Variants in SCAF4 observed in about 807,000 individuals in gnomAD.
SCAF4 encodes the protein SR-related CTD associated factor 4.
A neutral mutation model predicts 129.8 loss-of-function variants in SCAF4; 25 were observed. The observed-to-expected ratio is 0.19, with a 90% CI of 0.14 to 0.27. The LOEUF (loss-of-function observed/expected upper bound fraction) is 0.27. Ranked by LOEUF, SCAF4 falls within the 10% of genes least tolerant of loss-of-function variation. SCAF4 has a pLI of 1.00. For synonymous variants in SCAF4, 551 were observed against 497.7 expected (o/e 1.11, Z -1.43); for missense variants, 1,246 against 1,457.1 (o/e 0.86, Z 2.36).
intron 7 of SCAF4, among the ~76,000 whole-genome samples, chr21:31,697,222 A>G (rs1269410525): frequency 6.6e-6 from 1 of 151,968 alleles, no homozygotes; most frequent in Non-Finnish European, 1.5e-5. Flanking sequence ...ATAAAAAAAG[A>G]AAAAAAATGG....
intron 1 of SCAF4, among the ~76,000 whole-genome samples, chr21:31,713,734 G>T: frequency 1.1e-5 from 1 of 90,784 alleles, no homozygotes. Context: ...TTTCTCATGG[G>T]CAAACCGGAG....
chr21:31,722,623 A>T (rs2051097203), intron 1 of SCAF4, among the ~76,000 whole-genome samples: 1 of 152,220 alleles, frequency 6.6e-6, no homozygotes, highest in Non-Finnish European at 1.5e-5. Flanking sequence ...TTTAGGTGAT[A>T]ACCATTTCAG....
chr21:31,720,776 T>TA (rs1192513254), intron 1 of SCAF4, among the ~76,000 whole-genome samples: 1 of 152,218 alleles, frequency 6.6e-6, no homozygotes, highest in East Asian at 1.9e-4. Context: ...GTCCTTCCCT[T>TA]AAACTGTTCC....
intron 1 of SCAF4, among the ~76,000 whole-genome samples, chr21:31,723,610 A>ATGTGTG (rs368505231): frequency 1.3e-3 from 198 of 149,312 alleles, no homozygotes; most frequent in African/African-American, 2.8e-3. Flanking sequence ...GATTTATATG[A>ATGTGTG]TGTGTGTGTG....
intron 19 of SCAF4, among the ~76,000 whole-genome samples, chr21:31,683,184 G>A (rs1250287000): frequency 6.6e-6 from 1 of 152,096 alleles, no homozygotes; most frequent in East Asian, 1.9e-4. Flanking sequence ...AAAACCACCC[G>A]CTCATGTAAC....
rs2050278913 is a variant in SCAF4 at position 31,692,346 on chromosome 21, C to T, written c.1614+3G>A. Reference sequence around the variant, plus strand: ...GTACTTAAAAAACTGAATAAACACTCACATTAATTGATTCAATTGGACCAA... The same window carrying T: ...GTACTTAAAAAACTGAATAAACACTTACATTAATTGATTCAATTGGACCAA... On this transcript the variant is annotated splice_donor_region_variant and intron_variant, in intron 13 of 19. Transcript: ENST00000286835. 6 of 1,603,038 alleles carry T rather than the reference C, an allele frequency of 3.7e-6. No homozygotes were observed. In the African/African-American group the frequency reaches 6.7e-5, roughly 18 times the overall value.
chr21:31,699,467 ATTCT>A (rs2050467212), intron 7 of SCAF4, among the ~76,000 whole-genome samples: 1 of 151,620 alleles, frequency 6.6e-6, no homozygotes, highest in African/African-American at 2.4e-5. Context: ...GCAGTGTGGA[ATTCT>A]TTCCTTATTT....
chr21:31,677,600 C>T (rs1437512083), intron 19 of SCAF4, among the ~76,000 whole-genome samples: 1 of 152,162 alleles, frequency 6.6e-6, no homozygotes, highest in African/African-American at 2.4e-5. Context: ...CAAGTCGCAG[C>T]GCTCTTTCTT....
At chr21:31,684,299 C>G (rs2050063290) in intron 19 of SCAF4, 1 of 153,064 alleles carries the variant, frequency 6.5e-6, no homozygotes, top group Non-Finnish European at 1.5e-5. Flanking sequence ...GGCAATACCA[C>G]TTCAAATACA....
intron 1 of SCAF4, among the ~76,000 whole-genome samples, chr21:31,716,507 C>T (rs2050922810): frequency 6.6e-6 from 1 of 152,144 alleles, no homozygotes; most frequent in South Asian, 2.1e-4. Flanking sequence ...AAGACACTGT[C>T]TTAAACCAAA....
intron 2 of SCAF4, among the ~76,000 whole-genome samples, chr21:31,705,859 A>C (rs1486054707): frequency 6.6e-6 from 1 of 152,258 alleles, no homozygotes; most frequent in Non-Finnish European, 1.5e-5. Context: ...CTCTTTAAAT[A>C]AAAATGAAAC....
At chr21:31,718,212 C>CTGGG (rs2050986070) in intron 1 of SCAF4, among the ~76,000 whole-genome samples, 1 of 152,164 alleles carries the variant, frequency 6.6e-6, no homozygotes, top group South Asian at 2.1e-4. Context: ...TCCCAAAGTG[C>CTGGG]TGGGATTACA....
intron 7 of SCAF4, among the ~76,000 whole-genome samples, chr21:31,700,174 A>G (rs1568845139): frequency 1.5e-5 from 2 of 134,148 alleles, no homozygotes. Flanking sequence ...GTTAAAATAC[A>G]CACACACTCA....
At position 31,685,227 on chromosome 21, in the gene SCAF4, AC is replaced by A; in HGVS notation, c.2309del (p.Gly770ValfsTer2). On this transcript the variant is annotated frameshift_variant, in exon 19 of 20. Transcript: ENST00000286835. LOFTEE classifies it high-confidence loss of function. ...AGTCTTTTGTAGTGTCTTCATTTAT[AC>A]CAGCGATAGTAGCTAAGGAATATAA... ...PISIPNSTIA[G>X]INEDTTKDLS... 6.2e-7 allele frequency: 1 copy of A among 1,603,266 alleles called. No homozygotes were observed. The highest frequency in any genetic ancestry group is 8.5e-7 in the Non-Finnish European group (1 of 1,171,178).
Position 31,696,223 on chromosome 21 carries a change from T to A in SCAF4, c.960-2A>T. 6.2e-7 allele frequency: 1 copy of A among 1,609,368 alleles called. No homozygotes were observed. Among genetic ancestry groups the A allele is most frequent in the Non-Finnish European group, 8.5e-7 (1 of 1,176,888 alleles). On this transcript the variant is annotated splice_acceptor_variant, in intron 8 of 19. Coordinates refer to ENST00000286835, the MANE Select transcript of SCAF4 (RefSeq NM_020706.2). LOFTEE classifies it high-confidence loss of function. ...TGCATGCCATCTCCAGGAAAGCCACTAAAAAAAGGTGGATAATCTTTTACC... is the reference window on the plus strand; with the variant it reads ...TGCATGCCATCTCCAGGAAAGCCACAAAAAAAAGGTGGATAATCTTTTACC...
intron 1 of SCAF4, among the ~76,000 whole-genome samples, chr21:31,714,920 T>C (rs773435324): frequency 2.6e-5 from 4 of 152,228 alleles, no homozygotes; most frequent in Non-Finnish European, 5.9e-5. Context: ...ATTAGCCAAA[T>C]GATAAGGTTT....
At chr21:31,706,242 A>C in intron 2 of SCAF4, 32 bp downstream of exon 2, 1 of 1,394,840 alleles carries the variant, frequency 7.2e-7, no homozygotes. Flanking sequence ...AATTTCAAAA[A>C]GATTTCTCAA....
In SCAF4 at chr21:31,696,559, A is replaced by G. The variant is rs975056944; in HGVS notation, c.959+10T>C. 6.3e-7 allele frequency: 1 copy of G among 1,579,488 alleles called. No homozygotes were observed. The highest frequency in any genetic ancestry group is 1.4e-5 in the African/African-American group (1 of 73,086). ...TTTCTATCTGCTGAGGAATAAAAAA[A>G]AAAACTAACAATGGTGCCTGTGGAG... On this transcript the variant is annotated intron_variant, in intron 8 of 19. Transcript: ENST00000286835.
intron 19 of SCAF4, among the ~76,000 whole-genome samples, chr21:31,673,659 A>G (rs1267321533): frequency 6.6e-6 from 1 of 152,246 alleles, no homozygotes; most frequent in Non-Finnish European, 1.5e-5. Context: ...ATATTTACCG[A>G]GTATATACCA....
Sources: allele counts gnomAD v4.1 joint callset (sites outside exome capture counted in the v4.1 genomes callset), GRCh38; gene constraint gnomAD v4.1.1; transcripts MANE v1.5; gene names NCBI Gene and HGNC (gene_info 2026-07-23, HGNC 2026-07-21).